Variants in ANKHD1 observed in about 807,000 individuals in gnomAD.
ANKHD1 encodes ankyrin repeat and KH domain containing 1, also known as ankyrin repeat and KH domain-containing protein 1.
In ANKHD1, 31 loss-of-function variants were observed where a neutral mutation model predicts 230.5. The observed-to-expected ratio is 0.13, with a 90% CI of 0.10 to 0.18. The LOEUF is 0.18. Ranked by LOEUF, ANKHD1 falls within the 10% of genes least tolerant of loss-of-function variation. The probability of loss-of-function intolerance (pLI) is 1.00; values close to 1 mark genes in which losing one functional copy is unlikely to be tolerated. For synonymous variants in ANKHD1, 1,074 were observed against 1,117.6 expected, an observed-to-expected ratio of 0.96 and a Z score of 0.78; for missense variants, 2,256 against 3,071.3, an observed-to-expected ratio of 0.73 and a Z score of 6.27.
intron 24 of ANKHD1, among the ~76,000 whole-genome samples, chr5:140,520,828 C>G (rs1169237818): frequency 6.8e-6 from 1 of 147,690 alleles, no homozygotes; most frequent in African/African-American, 2.5e-5. Context: ...ATACCTAATG[C>G]TAGATGACGA....
intron 1 of ANKHD1, among the ~76,000 whole-genome samples, chr5:140,434,666 T>C (rs887020326): frequency 5.3e-5 from 8 of 151,954 alleles, no homozygotes; most frequent in Non-Finnish European, 8.8e-5. Context: ...CCATTAAATA[T>C]GCTTCAAAAA....
intron 10 of ANKHD1, among the ~76,000 whole-genome samples, chr5:140,476,070 A>G (rs1420867636): frequency 6.6e-6 from 1 of 152,196 alleles, no homozygotes; most frequent in Non-Finnish European, 1.5e-5. Context: ...TGGATATAAA[A>G]TAAAACTAAA....
intron 13 of ANKHD1, chr5:140,486,613 T>G (rs1255429506): frequency 6.3e-6 from 1 of 157,992 alleles, no homozygotes. Flanking sequence ...TTGTTTTCTT[T>G]TGATCCATGT....
At chr5:140,443,133 G>A (rs924704188) in intron 5 of ANKHD1, among the ~76,000 whole-genome samples, 1 of 151,416 alleles carries the variant, frequency 6.6e-6, no homozygotes. Flanking sequence ...TCTCGATCTC[G>A]ACCTTGTGAT....
intron 29 of ANKHD1, among the ~76,000 whole-genome samples, chr5:140,534,397 A>C (rs1214728517): frequency 1.3e-5 from 2 of 152,100 alleles, no homozygotes; most frequent in Non-Finnish European, 2.9e-5. Flanking sequence ...GTCTCAAAAA[A>C]AAAAAAAAAG....
chr5:140,539,299 A>G (rs1467734671), intron 33 of ANKHD1, 60 bp from the exon 34 acceptor site: 4 of 1,607,750 alleles, frequency 2.5e-6, no homozygotes, highest in Non-Finnish European at 3.4e-6. Flanking sequence ...TTATATATTC[A>G]TTTTGTAACT....
chr5:140,528,999 T>C lies in ANKHD1; in HGVS notation c.6053T>C (p.Met2018Thr), dbSNP rs189993898. ...TSQAQLSSQKMESFSAVPPTK... is the reference protein window; with the variant it reads ...TSQAQLSSQKTESFSAVPPTK... Reference sequence around the variant, plus strand: ...CAAGCACAGCTTTCTTCACAAAAGATGGAGTCTTTCTCTGCTGTGCCACCC... The same window carrying C: ...CAAGCACAGCTTTCTTCACAAAAGACGGAGTCTTTCTCTGCTGTGCCACCC... The change falls in exon 29 of 34, where the codon ATG becomes ACG. Residue 2018 changes from methionine (M) to threonine (T), a missense_variant. Met to Thr is a moderately conservative substitution (Grantham distance 81, BLOSUM62 -1). This residue lies in a region of ANKHD1 where 778 missense variants were observed against 966.5 expected (regional missense o/e 0.80). Coordinates refer to ENST00000360839, the MANE Select transcript of ANKHD1 (RefSeq NM_017747.3). 2.5e-6 allele frequency: 4 copies of C among 1,614,176 alleles called. No individual in the cohort carries two copies. The East Asian group carries it at 8.9e-5, about 36-fold the overall frequency.
chr5:140,457,849 AT>A (rs1775333443), intron 7 of ANKHD1, among the ~76,000 whole-genome samples: 1 of 151,986 alleles, frequency 6.6e-6, no homozygotes, highest in African/African-American at 2.4e-5. Flanking sequence ...AACTTAAAGT[AT>A]AAAAAAAAAA....
chr5:140,408,102 G>A (rs756250211), intron 1 of ANKHD1, among the ~76,000 whole-genome samples: 22 of 152,070 alleles, frequency 1.4e-4, no homozygotes, highest in Non-Finnish European at 2.2e-4. Context: ...TCTTGAACCC[G>A]GGAGACGGAG....
At chr5:140,476,909 T>C (rs1223173522) in intron 10 of ANKHD1, among the ~76,000 whole-genome samples, 1 of 152,156 alleles carries the variant, frequency 6.6e-6, no homozygotes, top group Non-Finnish European at 1.5e-5. Context: ...AAAGCCACGC[T>C]AGAGTCTTTT....
intron 15 of ANKHD1, chr5:140,504,620 A>T: frequency 1.5e-6 from 1 of 675,732 alleles, no homozygotes. Context: ...ATTGAAGCTC[A>T]GAGAAGTTAA....
At position 140,507,603 on chromosome 5, in the gene ANKHD1, G is replaced by A. The variant is rs1373977448; in HGVS notation, c.3552-182G>A. ...ATTACAGGCATGAGCCACCATGTCT[G>A]GCCGGAAATTATGTTTTAAATTGTG... is the stretch of plus-strand genomic sequence containing the variant. On this transcript the variant is annotated intron_variant, in intron 19 of 33. Transcript: ENST00000360839. This position sits in a 1 kb window ranked among gnomAD's most constrained non-coding sequence, Gnocchi z 4.1. 2.0e-5 allele frequency among the ~76,000 whole-genome samples: 3 copies of A among 152,102 alleles called. No individual in the cohort carries two copies. Among genetic ancestry groups the A allele is most frequent in the Non-Finnish European group, 4.4e-5 (3 of 68,014 alleles).
At chr5:140,405,295 G>A (rs1221014864) in intron 1 of ANKHD1, among the ~76,000 whole-genome samples, 3 of 152,146 alleles carry the variant, frequency 2.0e-5, no homozygotes, top group Non-Finnish European at 2.9e-5. Flanking sequence ...CTTAGTGGGT[G>A]TATAGATGCT....
intron 24 of ANKHD1, among the ~76,000 whole-genome samples, chr5:140,523,591 C>A (rs1380030762): frequency 6.8e-6 from 1 of 147,316 alleles, no homozygotes; most frequent in East Asian, 2.0e-4. Context: ...GAGACAGTCT[C>A]ACTCTGTCAC....
chr5:140,531,790 C>G (rs1753835566), intron 29 of ANKHD1, among the ~76,000 whole-genome samples: 1 of 152,004 alleles, frequency 6.6e-6, no homozygotes, highest in Non-Finnish European at 1.5e-5. Flanking sequence ...ACTGGCACAC[C>G]AATGTTCATA....
Position 140,527,252 on chromosome 5 carries a change from A to G in ANKHD1, c.5087+178A>G, listed in dbSNP as rs1302951232. The G allele has an allele frequency of 9.6e-7, 1 of 1,046,366 alleles. No homozygotes were observed. Among genetic ancestry groups the G allele is most frequent in the African/African-American group, 1.7e-5 (1 of 59,942 alleles). 64.8% of individuals were successfully genotyped at this position (1,046,366 alleles called of 1,614,324 possible). A position where few individuals can be genotyped will look rare whatever the true frequency, so the allele number is the denominator to read the frequency against. ...GAAGCAGTATGTAAATTTTGCATGC[A>G]TATTTTATATGACACAAGAAATTTT... On this transcript the variant is annotated intron_variant, in intron 27 of 33. Transcript: ENST00000360839. This position sits in a 1 kb window ranked among gnomAD's most constrained non-coding sequence, Gnocchi z 4.5.
At chr5:140,458,004 A>G (rs1678023227) in intron 7 of ANKHD1, among the ~76,000 whole-genome samples, 3 of 152,038 alleles carry the variant, frequency 2.0e-5, no homozygotes, top group Non-Finnish European at 4.4e-5. Context: ...AAAATTTTTT[A>G]CAATGAATGT....
At chr5:140,475,766 T>G (rs1051585923) in intron 10 of ANKHD1, among the ~76,000 whole-genome samples, 2 of 152,082 alleles carry the variant, frequency 1.3e-5, no homozygotes, top group African/African-American at 4.8e-5. Context: ...TGAGGGAACT[T>G]CCAAAACATC....
At chr5:140,464,818 A>G in intron 10 of ANKHD1, 42 bp downstream of exon 10, 1 of 1,545,168 alleles carries the variant, frequency 6.5e-7, no homozygotes, top group Non-Finnish European at 8.8e-7. Context: ...GTTAATGTTA[A>G]TATCCATTTA....
Sources: allele counts gnomAD v4.1 joint callset (sites outside exome capture counted in the v4.1 genomes callset), GRCh38; gene constraint gnomAD v4.1.1; regional missense constraint gnomAD v4.1.1; non-coding constraint Gnocchi (gnomAD v3.1); transcripts MANE v1.5; gene names NCBI Gene and HGNC (gene_info 2026-07-23, HGNC 2026-07-21).